The following RAI1 variants were observed in gnomAD, a reference collection of about 807,000 sequenced individuals.
The protein encoded by RAI1 is retinoic acid-induced protein 1.
Under a neutral mutation model 123.8 loss-of-function variants are expected in RAI1, and 9 were observed. The ratio of observed to expected loss-of-function variants is 0.07; its 90% confidence interval spans 0.04 to 0.13. The LOEUF (loss-of-function observed/expected upper bound fraction) is 0.13. RAI1 is among the 10% of genes least tolerant of loss of function. The pLI is 1.00. For missense variants in RAI1, 2,256 were observed against 2,545.8 expected, an observed-to-expected ratio of 0.89 and a Z score of 2.45; for synonymous variants, 1,231 against 1,127.3, an observed-to-expected ratio of 1.09 and a Z score of -1.84.
At chr17:17,768,102 G>A (rs2142994340) in intron 2 of RAI1, among the ~76,000 whole-genome samples, 1 of 152,322 alleles carries the variant, frequency 6.6e-6, no homozygotes, top group Admixed American at 6.5e-5. Context: ...GCTGGTATCT[G>A]TGATGTCACA....
In RAI1 at chr17:17,799,826, A is replaced by C. The variant is rs1180173926; in HGVS notation, c.5565+1313A>C. Reference sequence around the variant, plus strand: ...ACTGCCCACCTGCTCCTCGCAGTACACCCCTGCAGCCCCTCTGAGCAGCCC... The same window carrying C: ...ACTGCCCACCTGCTCCTCGCAGTACCCCCCTGCAGCCCCTCTGAGCAGCCC... On this transcript the variant is annotated intron_variant, in intron 3 of 5. Transcript: ENST00000353383. This position sits in a 1 kb window ranked among gnomAD's most constrained non-coding sequence, Gnocchi z 4.5. 1.4e-5 allele frequency among the ~76,000 whole-genome samples: 2 copies of C among 147,290 alleles called. No individual in the cohort carries two copies. The highest frequency in any genetic ancestry group is 2.0e-4 in the East Asian group (1 of 5,016).
intron 2 of RAI1, among the ~76,000 whole-genome samples, chr17:17,752,456 T>C (rs1047551950): frequency 6.6e-6 from 1 of 151,704 alleles, no homozygotes; most frequent in African/African-American, 2.4e-5. Flanking sequence ...CGCGCGCGGC[T>C]GGAAAGGGGC....
chr17:17,687,682 C>T (rs1327762203), intron 1 of RAI1, among the ~76,000 whole-genome samples: 1 of 152,166 alleles, frequency 6.6e-6, no homozygotes, highest in Non-Finnish European at 1.5e-5. Flanking sequence ...CACTTTCCCT[C>T]TGTGAGGGTC....
intron 2 of RAI1, among the ~76,000 whole-genome samples, chr17:17,748,303 G>T (rs919547231): frequency 6.6e-6 from 1 of 152,212 alleles, no homozygotes. Context: ...CATCCAGGGA[G>T]CTGAGGGCCC....
intron 2 of RAI1, among the ~76,000 whole-genome samples, chr17:17,747,416 C>A (rs951114097): frequency 6.6e-6 from 1 of 152,142 alleles, no homozygotes; most frequent in Non-Finnish European, 1.5e-5. Context: ...CTGGAGGCTG[C>A]AATTAGTGGC....
chr17:17,798,269 G>A lies in RAI1; in HGVS notation c.5321G>A (p.Arg1774Gln), dbSNP rs892281911. 5 of 1,601,346 alleles carry A rather than the reference G, an allele frequency of 3.1e-6. No individual in the cohort carries two copies. The highest frequency in any genetic ancestry group is 1.1e-5 in the South Asian group (1 of 89,942). ...AKQGPLRTSA[R>Q]GLSRRLQSCY... Reference sequence around the variant, plus strand: ...CAGGGCCCACTGCGCACCAGTGCCCGGGGCCTGTCCCGGAGGCTGCAGAGC... The same window carrying A: ...CAGGGCCCACTGCGCACCAGTGCCCAGGGCCTGTCCCGGAGGCTGCAGAGC... Residue 1774 changes from arginine to glutamine, a missense_variant, in exon 3 of 6, where the codon CGG becomes CAG. Physicochemically the swap from Arg to Gln is conservative, Grantham distance 43. Around this residue, in one of 7 missense-constraint regions of RAI1, gnomAD observed 243 missense variants for 316.6 expected, o/e 0.77. Coordinates refer to ENST00000353383, the MANE Select transcript of RAI1 (RefSeq NM_030665.4).
chr17:17,808,419 T>A (rs7225302), intron 4 of RAI1, among the ~76,000 whole-genome samples: 2,076 of 44,844 alleles, frequency 0.046, 34 homozygotes, highest in Middle Eastern at 0.094. Flanking sequence ...ATTTTATTAT[T>A]TTATTTTATT....
chr17:17,729,362 G>A (rs1271365674), intron 2 of RAI1, among the ~76,000 whole-genome samples: 2 of 152,188 alleles, frequency 1.3e-5, no homozygotes, highest in Non-Finnish European at 2.9e-5. Flanking sequence ...CAGGTGTTGC[G>A]GGGTTCACAA....
intron 2 of RAI1, among the ~76,000 whole-genome samples, chr17:17,734,007 C>T (rs964303018): frequency 1.3e-4 from 20 of 152,168 alleles, no homozygotes; most frequent in African/African-American, 4.3e-4. Flanking sequence ...GTTTATTTTT[C>T]TCACGTTTTT....
chr17:17,768,265 G>A (rs115784262), intron 2 of RAI1, among the ~76,000 whole-genome samples: 2,293 of 152,234 alleles, frequency 0.015, 59 homozygotes, highest in African/African-American at 0.052. Flanking sequence ...CAGGGCTGGC[G>A]CTCAGAAATG....
At chr17:17,722,258 C>T (rs1567848274) in intron 1 of RAI1, among the ~76,000 whole-genome samples, 1 of 152,142 alleles carries the variant, frequency 6.6e-6, no homozygotes, top group Non-Finnish European at 1.5e-5. Context: ...GATGCAGCGA[C>T]GGATGGATGG....
At chr17:17,748,573 G>T (rs2030019585) in intron 2 of RAI1, among the ~76,000 whole-genome samples, 1 of 152,238 alleles carries the variant, frequency 6.6e-6, no homozygotes, top group Admixed American at 6.5e-5. Context: ...AGTAAGCTAA[G>T]GATCAGAGAG....
At chr17:17,703,846 C>T (rs1181872804) in intron 1 of RAI1, among the ~76,000 whole-genome samples, 4 of 152,212 alleles carry the variant, frequency 2.6e-5, no homozygotes, top group Non-Finnish European at 2.9e-5. Flanking sequence ...TTCTTTTGTT[C>T]CATTCCACTC....
In RAI1 at chr17:17,809,333, C is replaced by T; in HGVS notation, c.5660-57C>T. ...TCCCCTCCTGGCTGCAGACAAAACC[C>T]CACAGCTGTGGGGCCCCCACCCTGT... On this transcript the variant is annotated intron_variant, in intron 4 of 5. Transcript: ENST00000353383. The surrounding 1 kb of genome is among the most constrained non-coding windows in gnomAD (Gnocchi z 4.9). 6.7e-7 allele frequency: 1 copy of T among 1,495,538 alleles called. No homozygotes were observed. Among genetic ancestry groups the T allele is most frequent in the Non-Finnish European group, 9.3e-7 (1 of 1,072,820 alleles). 92.6% of individuals were successfully genotyped at this position (1,495,538 alleles called of 1,614,324 possible). A position where few individuals can be genotyped will look rare whatever the true frequency, so the allele number is the denominator to read the frequency against.
chr17:17,681,809 CGGGGCGCGG>C lies in RAI1; in HGVS notation c.-149+24_-149+32del, dbSNP rs1450594263. On this transcript the variant is annotated intron_variant, in intron 1 of 5. Coordinates refer to ENST00000353383, the MANE Select transcript of RAI1 (RefSeq NM_030665.4). ...GGGCGCCGAGGTGAGCAGCGAGCGC[CGGGGCGCGG>C]GGGGCGCAGTGTATCCTGCCCCGGG... The C allele has an allele frequency of 2.8e-5, 8 of 289,512 alleles. No homozygotes were observed. Among genetic ancestry groups the C allele is most frequent in the African/African-American group, 2.0e-4 (8 of 40,818 alleles). The allele number at this position is 289,512 out of a possible 1,614,324, so 17.9% of individuals were successfully genotyped here. A position where few individuals can be genotyped will look rare whatever the true frequency, so the allele number is the denominator to read the frequency against.
rs553395082 is a variant in RAI1, at chr17:17,784,618, G to T, written c.-16-8315G>T. 4.6e-5 allele frequency among the ~76,000 whole-genome samples: 7 copies of T among 152,196 alleles called. No homozygotes were observed. The East Asian group carries it at 5.8e-4, about 13-fold the overall frequency. On this transcript the variant is annotated intron_variant, in intron 2 of 5. Transcript: ENST00000353383. ...ACAGCTGGTCTTGTAGGCCAGGAGA[G>T]GGGGGGTGTAGGCAGCACCACGTAG...
intron 2 of RAI1, among the ~76,000 whole-genome samples, chr17:17,733,636 C>T (rs1274591018): frequency 1.3e-5 from 2 of 152,158 alleles, no homozygotes; most frequent in Non-Finnish European, 2.9e-5. Context: ...ACAAGAATTC[C>T]GACTCCTGAC....
chr17:17,758,488 A>G (rs4925109), intron 2 of RAI1, among the ~76,000 whole-genome samples: 92,637 of 152,160 alleles, frequency 0.61, 29,394 homozygotes, highest in Non-Finnish European at 0.68. Context: ...GGTTAGAGGA[A>G]GCTTGTGAGA....
chr17:17,769,972 G>A (rs561049757), intron 2 of RAI1, among the ~76,000 whole-genome samples: 24 of 152,326 alleles, frequency 1.6e-4, no homozygotes, highest in African/African-American at 4.8e-4. Context: ...GCAGCGACAC[G>A]GGAGGACGGC....
Sources: allele counts gnomAD v4.1 joint callset (sites outside exome capture counted in the v4.1 genomes callset), GRCh38; gene constraint gnomAD v4.1.1; regional missense constraint gnomAD v4.1.1; non-coding constraint Gnocchi (gnomAD v3.1); transcripts MANE v1.5; gene names NCBI Gene and HGNC (gene_info 2026-07-23, HGNC 2026-07-21).